The following TBC1D14 variants were observed in gnomAD, a reference collection of about 807,000 sequenced individuals.
TBC1D14 encodes TBC1 domain family, member 14.
In TBC1D14, 26 loss-of-function variants were observed where a neutral mutation model predicts 79.0. The ratio of observed to expected loss-of-function variants is 0.33; its 90% confidence interval spans 0.24 to 0.46. The LOEUF (loss-of-function observed/expected upper bound fraction) is 0.46. TBC1D14 is among the 20% of genes least tolerant of loss of function. The pLI is 1.00. For synonymous variants in TBC1D14, 394 were observed against 349.9 expected (o/e 1.13, Z -1.40); for missense variants, 769 against 887.6 (o/e 0.87, Z 1.70).
intron 12 of TBC1D14, among the ~76,000 whole-genome samples, chr4:7,014,918 C>T (rs1303966349): frequency 6.6e-6 from 1 of 152,204 alleles, no homozygotes; most frequent in Admixed American, 6.5e-5. Context: ...ACACGTGTGT[C>T]CATGGACACT....
At chr4:6,997,367 C>A (rs1273302136) in intron 5 of TBC1D14, 2 of 152,306 alleles carry the variant, frequency 1.3e-5, no homozygotes, top group Non-Finnish European at 2.9e-5. Context: ...TGGCTCACGC[C>A]TGTAATCGCA....
intron 1 of TBC1D14, among the ~76,000 whole-genome samples, chr4:6,920,672 A>G (rs1276864661): frequency 6.6e-6 from 1 of 152,166 alleles, no homozygotes; most frequent in East Asian, 1.9e-4. Context: ...TTCTTGTGGT[A>G]CTTGATTTAA....
intron 3 of TBC1D14, among the ~76,000 whole-genome samples, chr4:6,989,798 C>T (rs774372014): frequency 6.6e-6 from 1 of 152,300 alleles, no homozygotes; most frequent in East Asian, 1.9e-4. Context: ...CACCCTGCCT[C>T]CCTGCCTTTT....
At chr4:6,983,867 C>G (rs906637372) in intron 3 of TBC1D14, among the ~76,000 whole-genome samples, 9 of 152,194 alleles carry the variant, frequency 5.9e-5, no homozygotes, top group Admixed American at 4.6e-4. Flanking sequence ...CTATTTAATG[C>G]TTAATGCTTC....
intron 2 of TBC1D14, among the ~76,000 whole-genome samples, chr4:6,964,785 A>G (rs919232128): frequency 2.6e-5 from 4 of 152,162 alleles, no homozygotes; most frequent in African/African-American, 9.7e-5. Flanking sequence ...CAGTGAAACT[A>G]TTTGTTTTAT....
chr4:7,028,071 C>T (rs1225411853), intron 13 of TBC1D14, among the ~76,000 whole-genome samples: 1 of 148,226 alleles, frequency 6.7e-6, no homozygotes, highest in Non-Finnish European at 1.5e-5. Flanking sequence ...CACACACACA[C>T]CTACAGATCA....
chr4:6,910,985 G>T lies in TBC1D14; in HGVS notation c.-18+1034G>T, dbSNP rs376279278. On this transcript the variant is annotated intron_variant, in intron 1 of 13. Coordinates refer to ENST00000409757, the MANE Select transcript of TBC1D14 (RefSeq NM_020773.3). ...CACTGTCTTGTCCCCAGTATTGTAG[G>T]ATGTTGGCACCTAGTTGCTGTCTTG... is the stretch of plus-strand genomic sequence containing the variant. 5.3e-5 allele frequency among the ~76,000 whole-genome samples: 8 copies of T among 152,290 alleles called. No homozygotes were observed. The East Asian group carries it at 1.5e-3, about 29-fold the overall frequency.
chr4:6,986,062 A>C (rs1414765326), intron 3 of TBC1D14, among the ~76,000 whole-genome samples: 2 of 152,060 alleles, frequency 1.3e-5, no homozygotes, highest in Non-Finnish European at 2.9e-5. Flanking sequence ...AGTTGATCCC[A>C]CTCTCACCCC....
At chr4:6,978,950 G>C (rs901357023) in intron 3 of TBC1D14, among the ~76,000 whole-genome samples, 5 of 152,172 alleles carry the variant, frequency 3.3e-5, no homozygotes, top group Admixed American at 3.3e-4. Flanking sequence ...TGCAGTGTAT[G>C]TAGATGTTAA....
At chr4:6,938,388 A>G (rs1712555219) in intron 2 of TBC1D14, among the ~76,000 whole-genome samples, 4 of 152,140 alleles carry the variant, frequency 2.6e-5, no homozygotes, top group Admixed American at 2.6e-4. Context: ...GGGGAAGTCA[A>G]TGCCAAGAGG....
intron 1 of TBC1D14, among the ~76,000 whole-genome samples, chr4:6,914,926 C>T (rs531538999): frequency 6.6e-6 from 1 of 152,294 alleles, no homozygotes. Flanking sequence ...GTAATCCCAG[C>T]TACTCAGGAG....
intron 5 of TBC1D14, 180 bp from the exon 6 acceptor site, chr4:6,998,905 G>C (rs1719364839): frequency 1.7e-6 from 1 of 590,936 alleles, no homozygotes; most frequent in Non-Finnish European, 3.0e-6. Context: ...CTTACTAAAG[G>C]GTGGATAATG....
chr4:7,013,281 A>G (rs1720950598), intron 11 of TBC1D14, among the ~76,000 whole-genome samples: 1 of 152,230 alleles, frequency 6.6e-6, no homozygotes, highest in African/African-American at 2.4e-5. Context: ...GCCCCCGGTT[A>G]TGACGACCAG....
At chr4:6,936,794 TGTC>T (rs1712376870) in intron 2 of TBC1D14, among the ~76,000 whole-genome samples, 1 of 152,264 alleles carries the variant, frequency 6.6e-6, no homozygotes, top group African/African-American at 2.4e-5. Flanking sequence ...CGTTTGCTGT[TGTC>T]AGTGGAAGTT....
chr4:6,989,096 C>G (rs536620464), intron 3 of TBC1D14, among the ~76,000 whole-genome samples: 42 of 152,142 alleles, frequency 2.8e-4, no homozygotes, highest in Middle Eastern at 3.4e-3. Context: ...GCTCTTAAAA[C>G]AAATGTGCAT....
intron 3 of TBC1D14, among the ~76,000 whole-genome samples, chr4:6,969,486 C>T (rs955517724): frequency 3.3e-5 from 5 of 152,010 alleles, no homozygotes; most frequent in East Asian, 1.9e-4. Flanking sequence ...GCTCGCTGCA[C>T]GCTCCGCCTC....
chr4:6,968,440 C>T (rs890513021), intron 3 of TBC1D14, among the ~76,000 whole-genome samples: 5 of 152,200 alleles, frequency 3.3e-5, no homozygotes, highest in African/African-American at 4.8e-5. Flanking sequence ...CTTTAAAACT[C>T]GCAACAACCT....
intron 13 of TBC1D14, among the ~76,000 whole-genome samples, chr4:7,025,881 C>T (rs935259016): frequency 6.6e-6 from 1 of 152,196 alleles, no homozygotes; most frequent in African/African-American, 2.4e-5. Flanking sequence ...GATTGACCTG[C>T]ATTTCCTGTT....
intron 3 of TBC1D14, among the ~76,000 whole-genome samples, chr4:6,971,331 A>C (rs1577102160): frequency 6.6e-6 from 1 of 152,240 alleles, no homozygotes; most frequent in African/African-American, 2.4e-5. Context: ...CGGCGTTACT[A>C]GTCAAGGAAT....
Sources: allele counts gnomAD v4.1 joint callset (sites outside exome capture counted in the v4.1 genomes callset), GRCh38; gene constraint gnomAD v4.1.1; transcripts MANE v1.5; gene names NCBI Gene and HGNC (gene_info 2026-07-23, HGNC 2026-07-21).